Variants in SEC23IP observed in about 807,000 individuals in gnomAD.
SEC23IP encodes SEC23 interacting protein.
In SEC23IP, 70 loss-of-function variants were observed where a neutral mutation model predicts 113.4. The observed-to-expected ratio is 0.62, with a 90% CI of 0.51 to 0.75. The LOEUF is 0.75. SEC23IP is among the 30% of genes least tolerant of loss of function. The pLI is 0.00. For missense variants in SEC23IP, 1,160 were observed against 1,204.9 expected (o/e 0.96, Z 0.55); for synonymous variants, 398 against 421.0 (o/e 0.95, Z 0.67).
chr10:119,910,927 C>A (rs1477267697), intron 5 of SEC23IP, among the ~76,000 whole-genome samples: 1 of 152,016 alleles, frequency 6.6e-6, no homozygotes, highest in Non-Finnish European at 1.5e-5. Context: ...TCAAGTCTTC[C>A]TCCTGCCTCG....
intron 1 of SEC23IP, among the ~76,000 whole-genome samples, chr10:119,893,762 C>T (rs1018533135): frequency 7.9e-5 from 12 of 152,044 alleles, no homozygotes; most frequent in Non-Finnish European, 1.5e-4. Flanking sequence ...TCAAGTGATC[C>T]GCCTGCCCTG....
At chr10:119,905,445 A>G (rs991236644) in intron 4 of SEC23IP, among the ~76,000 whole-genome samples, 2 of 152,178 alleles carry the variant, frequency 1.3e-5, no homozygotes, top group African/African-American at 2.4e-5. Flanking sequence ...TTGAAGCGGG[A>G]TAGATATCCA....
chr10:119,894,133 T>C (rs1854193158), intron 1 of SEC23IP, among the ~76,000 whole-genome samples: 1 of 152,232 alleles, frequency 6.6e-6, no homozygotes, highest in Non-Finnish European at 1.5e-5. Context: ...TGCAAAGCGC[T>C]AAGTATAGTG....
At position 119,923,864 on chromosome 10, in the gene SEC23IP, T is replaced by A. The variant is rs140408033; in HGVS notation, c.2122-2172T>A. Among the ~76,000 whole-genome samples the A allele has an allele frequency of 7.3e-4, 111 of 152,290 alleles. 1 individual carries two copies. In the East Asian group the frequency reaches 0.016, roughly 22 times the overall value. On this transcript the variant is annotated intron_variant, in intron 12 of 18. Transcript: ENST00000369075. ...ACGCCCAGCCTATGTTGGTTCACTTTTAAACACTGTTGGTTCACAGTTTAA... is the reference window on the plus strand; with the variant it reads ...ACGCCCAGCCTATGTTGGTTCACTTATAAACACTGTTGGTTCACAGTTTAA...
Position 119,943,190 on chromosome 10 carries a change from C to T in SEC23IP, c.*2625C>T, listed in dbSNP as rs1325219288. Reference sequence around the variant, plus strand: ...GCAGACACTGAGTGTTTTGGTTTTCCTCCAAGTTATAGTTCTCATTGTAAC... The same window carrying T: ...GCAGACACTGAGTGTTTTGGTTTTCTTCCAAGTTATAGTTCTCATTGTAAC... On this transcript the variant is annotated 3_prime_UTR_variant, in exon 19 of 19. Coordinates refer to ENST00000369075, the MANE Select transcript of SEC23IP (RefSeq NM_007190.4). The T allele has an allele frequency of 6.6e-6, 1 of 152,146 alleles. No individual in the cohort carries two copies. The highest frequency in any genetic ancestry group is 1.5e-5 in the Non-Finnish European group (1 of 68,030). The allele number at this position is 152,146 out of a possible 1,614,324, so 9.4% of individuals were successfully genotyped here. A position where few individuals can be genotyped will look rare whatever the true frequency, so the allele number is the denominator to read the frequency against.
rs2134451769 is a variant in SEC23IP, at chr10:119,898,503, T to G, written c.240T>G (p.Phe80Leu). 1 of 1,614,130 alleles carries G rather than the reference T, an allele frequency of 6.2e-7. No homozygotes were observed. Among genetic ancestry groups the G allele is most frequent in the East Asian group, 2.2e-5 (1 of 44,874 alleles). The change falls in exon 2 of 19, where the codon TTT (phenylalanine) becomes TTG (leucine). Residue 80 changes from phenylalanine to leucine, a missense_variant. Coordinates refer to ENST00000369075, the MANE Select transcript of SEC23IP (RefSeq NM_007190.4). ...TTCACACATCTGCCCCACAGACATT[T>G]AGTTACTTCTCTCAGGTATCAAGCA... Reference protein sequence around the residue: ...TSIHTSAPQTFSYFSQVSSSS... With the variant: ...TSIHTSAPQTLSYFSQVSSSS...
intron 5 of SEC23IP, 37 bp downstream of exon 5, chr10:119,909,167 C>T (rs772381675): frequency 7.4e-7 from 1 of 1,344,544 alleles, no homozygotes; most frequent in Non-Finnish European, 1.0e-6. Flanking sequence ...GTATTAAGTT[C>T]ATTTTAATAT....
intron 13 of SEC23IP, 151 bp from the exon 14 acceptor site, chr10:119,929,456 G>A (rs1239433497): frequency 1.1e-5 from 7 of 615,398 alleles, no homozygotes; most frequent in Non-Finnish European, 1.7e-5. Flanking sequence ...GGATGGTCTC[G>A]ATCTCCTGAT....
chr10:119,937,418 G>A (rs1400304008), intron 18 of SEC23IP, among the ~76,000 whole-genome samples: 2 of 151,828 alleles, frequency 1.3e-5, no homozygotes, highest in South Asian at 2.1e-4. Context: ...CTGAGGTCAG[G>A]AGGTTGAGAC....
intron 4 of SEC23IP, 57 bp from the exon 5 acceptor site, chr10:119,908,984 C>G (rs1021668157): frequency 8.7e-7 from 1 of 1,145,674 alleles, no homozygotes; most frequent in Non-Finnish European, 1.3e-6. Context: ...TCCATACTTT[C>G]TCTCCATGTG....
chr10:119,907,912 A>G (rs1266642553), intron 4 of SEC23IP, among the ~76,000 whole-genome samples: 1 of 152,238 alleles, frequency 6.6e-6, no homozygotes, highest in Non-Finnish European at 1.5e-5. Context: ...AGATTGCACC[A>G]CTGTACTCCA....
chr10:119,909,454 C>T (rs1203581567), intron 5 of SEC23IP, among the ~76,000 whole-genome samples: 1 of 152,118 alleles, frequency 6.6e-6, no homozygotes, highest in Non-Finnish European at 1.5e-5. Context: ...GGTGTAGTGG[C>T]ACATGCCTGT....
chr10:119,900,775 T>C (rs1406529596), intron 2 of SEC23IP, among the ~76,000 whole-genome samples: 1 of 152,058 alleles, frequency 6.6e-6, no homozygotes, highest in Non-Finnish European at 1.5e-5. Context: ...TGGTGTCTAA[T>C]TAAAAAATTT....
chr10:119,918,302 C>G (rs1855119383), intron 9 of SEC23IP, 91 bp from the exon 10 acceptor site: 2 of 801,188 alleles, frequency 2.5e-6, no homozygotes, highest in Admixed American at 5.0e-5. Context: ...CATGTAACTT[C>G]TGTATGACTT....
chr10:119,903,974 C>T, intron 3 of SEC23IP, 110 bp from the exon 4 acceptor site: 1 of 1,137,118 alleles, frequency 8.8e-7, no homozygotes, highest in Non-Finnish European at 1.3e-6. Flanking sequence ...CCTCTCTCGG[C>T]CTCCCAGGGT....
At position 119,912,138 on chromosome 10, in the gene SEC23IP, A is replaced by C; in HGVS notation, c.1286A>C (p.Asp429Ala). ...TRPRVVKRGI[D>A]DNLDEIPDGE... Reference sequence around the variant, plus strand: ...CCCAGGGTTGTAAAGCGTGGAATTGATGATAACCTTGATGAAATTCCCGAC... The same window carrying C: ...CCCAGGGTTGTAAAGCGTGGAATTGCTGATAACCTTGATGAAATTCCCGAC... Residue 429 changes from aspartate to alanine, a missense_variant, in exon 6 of 19, where the codon GAT (aspartate) becomes GCT (alanine). Transcript: ENST00000369075. 5 of 1,614,094 alleles carry C rather than the reference A, an allele frequency of 3.1e-6. No homozygotes were observed. Among genetic ancestry groups the C allele is most frequent in the Non-Finnish European group, 4.2e-6 (5 of 1,179,978 alleles).
intron 18 of SEC23IP, among the ~76,000 whole-genome samples, chr10:119,939,536 G>A (rs573889919): frequency 7.3e-5 from 11 of 151,006 alleles, no homozygotes; most frequent in African/African-American, 1.2e-4. Flanking sequence ...TTAGCCGGGC[G>A]TGGTAGCACA....
intron 15 of SEC23IP, among the ~76,000 whole-genome samples, chr10:119,930,646 G>A (rs541049743): frequency 2.2e-4 from 34 of 152,206 alleles, no homozygotes; most frequent in Non-Finnish European, 4.6e-4. Flanking sequence ...AGGTAATTAG[G>A]AATAGGGAGA....
At chr10:119,915,040 T>C (rs1043093944) in intron 7 of SEC23IP, among the ~76,000 whole-genome samples, 1 of 152,192 alleles carries the variant, frequency 6.6e-6, no homozygotes, top group Non-Finnish European at 1.5e-5. Context: ...AGAAGGGATC[T>C]TGGAAGTAGT....
Sources: gnomAD v4.1 joint callset for allele counts (sites outside exome capture counted in the v4.1 genomes callset) on GRCh38, gnomAD v4.1.1 for gene constraint, MANE v1.5 for transcripts, NCBI Gene and HGNC (gene_info 2026-07-23, HGNC 2026-07-21) for gene names.